Variants in RFFL observed in about 807,000 individuals in gnomAD.
RFFL encodes the protein E3 ubiquitin-protein ligase rififylin.
Under a neutral mutation model 40.4 loss-of-function variants are expected in RFFL, and 16 were observed. The observed-to-expected ratio is 0.40, with a 90% CI of 0.27 to 0.60. RFFL has a LOEUF of 0.60. Among genes scored for constraint, RFFL ranks in the 20% least tolerant of loss-of-function variants. The pLI is 0.47. For missense variants in RFFL, 367 were observed against 451.7 expected, an observed-to-expected ratio of 0.81 and a Z score of 1.70; for synonymous variants, 154 against 167.9, an observed-to-expected ratio of 0.92 and a Z score of 0.64.
Position 35,014,735 on chromosome 17 carries a change from C to T in RFFL, c.910+5G>A. ...GCCCATTCCCAAACAGAAACAACTACATACCGTTTTGGTCTTCGGCACCAC... is the reference window on the plus strand; with the variant it reads ...GCCCATTCCCAAACAGAAACAACTATATACCGTTTTGGTCTTCGGCACCAC... On this transcript the variant is annotated splice_donor_5th_base_variant and intron_variant, in intron 6 of 6. Coordinates refer to ENST00000394597, the MANE Select transcript of RFFL (RefSeq NM_001017368.2). 3.1e-6 allele frequency: 5 copies of T among 1,613,444 alleles called. No individual in the cohort carries two copies. Among genetic ancestry groups the T allele is most frequent in the Non-Finnish European group, 4.2e-6 (5 of 1,179,374 alleles).
Position 35,007,292 on chromosome 17 carries a change from A to G in RFFL, c.*4676T>C, listed in dbSNP as rs1428056314. 1 of 152,226 alleles carries G rather than the reference A, an allele frequency of 6.6e-6. No individual in the cohort carries two copies. Among genetic ancestry groups the G allele is most frequent in the East Asian group, 1.9e-4 (1 of 5,200 alleles). The allele number at this position is 152,226 out of a possible 1,614,324, so 9.4% of individuals were successfully genotyped here. On this transcript the variant is annotated 3_prime_UTR_variant, in exon 7 of 7. Coordinates refer to ENST00000394597, the MANE Select transcript of RFFL (RefSeq NM_001017368.2). ...TGTGTGTTATTGCCATTTCAATGTC[A>G]GTGGTTTTTTATGTATTTTCTTCCA...
At chr17:35,027,687 G>A (rs2091051482) in intron 1 of RFFL, among the ~76,000 whole-genome samples, 1 of 143,926 alleles carries the variant, frequency 6.9e-6, no homozygotes, top group African/African-American at 2.6e-5. Flanking sequence ...TCGTGCCACT[G>A]CACTCTAGCC....
At position 35,078,330 on chromosome 17, in the gene RFFL, TCTCA is replaced by T. The variant is rs748154081; in HGVS notation, c.-9+10771_-9+10774del. On this transcript the variant is annotated intron_variant, in intron 1 of 6. Transcript: ENST00000315249. ...TATTATTTTTTTTCTGGAGACAGGG[TCTCA>T]CTCTGTTGTCCACACTAGAGTACAG... 2.9e-3 allele frequency among the ~76,000 whole-genome samples: 441 copies of T among 152,210 alleles called. 2 individuals are homozygous for T. The highest frequency in any genetic ancestry group is 5.4e-3 in the Non-Finnish European group (366 of 67,996).
intron 1 of RFFL, among the ~76,000 whole-genome samples, chr17:35,068,943 T>G (rs764801232): frequency 2.9e-4 from 43 of 150,004 alleles, no homozygotes; most frequent in African/African-American, 7.8e-4. Context: ...TAGTTTTCTG[T>G]TTTTTTTCCC....
chr17:35,043,585 G>A (rs1464310967), intron 1 of RFFL, among the ~76,000 whole-genome samples: 3 of 152,130 alleles, frequency 2.0e-5, no homozygotes, highest in Admixed American at 2.0e-4. Context: ...TAATGTAAAG[G>A]ATCAAAACTT....
intron 1 of RFFL, among the ~76,000 whole-genome samples, chr17:35,059,531 G>A (rs1280987017): frequency 6.6e-6 from 1 of 152,208 alleles, no homozygotes; most frequent in Non-Finnish European, 1.5e-5. Flanking sequence ...TGGTTGTCAT[G>A]TTATGCCACC....
At chr17:35,014,608 G>A (rs2090961828) in intron 6 of RFFL, 132 bp downstream of exon 6, 1 of 844,820 alleles carries the variant, frequency 1.2e-6, no homozygotes, top group Non-Finnish European at 2.0e-6. Flanking sequence ...CTGGGTCTCA[G>A]TGAGTTTCCC....
chr17:35,038,375 G>T, intron 1 of RFFL, among the ~76,000 whole-genome samples: 1 of 150,742 alleles, frequency 6.6e-6, no homozygotes, highest in South Asian at 2.1e-4. Context: ...TGGAAATTTT[G>T]TGTGTGTGTG....
At chr17:35,026,256 C>T in intron 2 of RFFL, 118 bp downstream of exon 2, 1 of 1,006,496 alleles carries the variant, frequency 9.9e-7, no homozygotes, top group Non-Finnish European at 1.4e-6. Flanking sequence ...AGGGACAGCT[C>T]TGGGTCACCA....
At chr17:35,054,152 C>T (rs1009933144) in intron 1 of RFFL, among the ~76,000 whole-genome samples, 8 of 152,202 alleles carry the variant, frequency 5.3e-5, no homozygotes, top group African/African-American at 1.9e-4. Context: ...CCTTCCACCC[C>T]TGTCATACCC....
At chr17:35,040,703 A>G (rs2091158433) in intron 1 of RFFL, among the ~76,000 whole-genome samples, 1 of 150,646 alleles carries the variant, frequency 6.6e-6, no homozygotes. Context: ...GTGGGTTAAA[A>G]CATCATCTTT....
chr17:35,012,661 T>C (rs1276981462), intron 6 of RFFL, among the ~76,000 whole-genome samples: 1 of 152,236 alleles, frequency 6.6e-6, no homozygotes, highest in Non-Finnish European at 1.5e-5. Context: ...TCAGGGATCA[T>C]GGGGGACCCC....
chr17:35,054,263 ATATAAC>A (rs1246854014), intron 1 of RFFL, among the ~76,000 whole-genome samples: 1 of 152,192 alleles, frequency 6.6e-6, no homozygotes, highest in African/African-American at 2.4e-5. Flanking sequence ...CCATATCCCA[ATATAAC>A]TTGCATCAAA....
At chr17:35,053,865 G>A (rs1233569476) in intron 1 of RFFL, among the ~76,000 whole-genome samples, 3 of 152,190 alleles carry the variant, frequency 2.0e-5, no homozygotes, top group South Asian at 2.1e-4. Flanking sequence ...CCAGAATCCC[G>A]TTAACGGAAA....
chr17:35,085,112 G>C (rs1447451252), intron 1 of RFFL, among the ~76,000 whole-genome samples: 1 of 151,988 alleles, frequency 6.6e-6, no homozygotes, highest in Non-Finnish European at 1.5e-5. Flanking sequence ...AGAATATCTC[G>C]GTCAGTGACT....
intron 2 of RFFL, 121 bp downstream of exon 2, chr17:35,026,253 G>T (rs1273725459): frequency 1.0e-6 from 1 of 965,022 alleles, no homozygotes; most frequent in Non-Finnish European, 1.5e-6. Context: ...GAAAGGGACA[G>T]CTCTGGGTCA....
At chr17:35,087,852 T>G (rs535938573) in intron 1 of RFFL, among the ~76,000 whole-genome samples, 8 of 152,328 alleles carry the variant, frequency 5.3e-5, no homozygotes, top group Non-Finnish European at 8.8e-5. Context: ...TGAAAGAGAA[T>G]GTAATCAGAG....
chr17:35,062,978 C>T (rs764153247), intron 1 of RFFL, among the ~76,000 whole-genome samples: 5 of 152,168 alleles, frequency 3.3e-5, no homozygotes, highest in Non-Finnish European at 7.3e-5. Flanking sequence ...CAACCAAATG[C>T]CTTCACTTCT....
chr17:35,084,190 G>A (rs1183933702), intron 1 of RFFL, among the ~76,000 whole-genome samples: 1 of 152,196 alleles, frequency 6.6e-6, no homozygotes, highest in East Asian at 1.9e-4. Context: ...GGTGAGCCGA[G>A]ATCATGCCAC....
Sources: gnomAD v4.1 joint callset for allele counts (sites outside exome capture counted in the v4.1 genomes callset) on GRCh38, gnomAD v4.1.1 for gene constraint, MANE v1.5 for transcripts, NCBI Gene and HGNC (gene_info 2026-07-23, HGNC 2026-07-21) for gene names.